CLCN7: variants seen among roughly 807,000 people sequenced by gnomAD.
The protein encoded by CLCN7 is H(+)/Cl(-) exchange transporter 7.
In CLCN7, 60 loss-of-function variants were observed where a neutral mutation model predicts 102.1. The observed-to-expected ratio is 0.59, with a 90% CI of 0.48 to 0.73. The LOEUF is 0.73. CLCN7 is among the 30% of genes least tolerant of loss of function. The pLI is 0.00. For missense variants in CLCN7, 962 were observed against 1,125.7 expected, an observed-to-expected ratio of 0.85 and a Z score of 2.08; for synonymous variants, 560 against 490.5, an observed-to-expected ratio of 1.14 and a Z score of -1.87.
chr16:1,446,632 C>T lies in CLCN7; in HGVS notation c.2417G>A (p.Ter806=). 6.4e-7 allele frequency: 1 copy of T among 1,563,082 alleles called. No individual in the cohort carries two copies. The highest frequency in any genetic ancestry group is 8.7e-7 in the Non-Finnish European group (1 of 1,153,716). The change falls in exon 25 of 25, where the codon TGA becomes TAA. Residue 806 remains the stop codon, a stop_retained_variant. Coordinates refer to ENST00000382745, the MANE Select transcript of CLCN7 (RefSeq NM_001287.6). ...GCCCATTATGGGCAGGGCTGGGCCT[C>T]ACGTCTGGGCCAGCGAGAGCTCCTC... is the stretch of plus-strand genomic sequence containing the variant. ...GLEELSLAQT[*] is the part of the protein sequence containing the mutation.
At chr16:1,452,522 G>A (rs749249009) in intron 15 of CLCN7, 3 of 568,870 alleles carry the variant, frequency 5.3e-6, no homozygotes, top group Non-Finnish European at 9.4e-6. Context: ...GAAGAGGACT[G>A]GGGGGAGCCT....
rs775416045 is a variant in CLCN7 at position 1,460,796 on chromosome 16, G to A, written c.484+20C>T. 9.9e-6 allele frequency: 16 copies of A among 1,613,722 alleles called. No homozygotes were observed. Among genetic ancestry groups the A allele is most frequent in the Middle Eastern group, 1.6e-4 (1 of 6,084 alleles). Reference sequence around the variant, plus strand: ...CCACGCCCCCCTCCCAAGCTGCAGCGGCCGCACTGGGAAGGATACTGCCCT... The same window carrying A: ...CCACGCCCCCCTCCCAAGCTGCAGCAGCCGCACTGGGAAGGATACTGCCCT... On this transcript the variant is annotated intron_variant, in intron 5 of 24. Transcript: ENST00000382745.
rs562556695 is a variant in CLCN7, at chr16:1,446,089, C to A, written c.*542G>T. ...GTGAAGCTGCTCTCCGGGGCGGTCG[C>A]AGCCTCCAAACCCTGGTGCTACGAG... On this transcript the variant is annotated 3_prime_UTR_variant, in exon 25 of 25. Transcript: ENST00000382745. 1.4e-5 allele frequency: 8 copies of A among 591,306 alleles called. No homozygotes were observed. In the African/African-American group the frequency reaches 1.5e-4, roughly 11 times the overall value. The allele number at this position is 591,306 out of a possible 1,614,324, so 36.6% of individuals were successfully genotyped here. A position where few individuals can be genotyped will look rare whatever the true frequency, so the allele number is the denominator to read the frequency against.
intron 12 of CLCN7, 115 bp from the exon 13 acceptor site, chr16:1,454,580 GC>G (rs957148842): frequency 1.0e-6 from 1 of 990,040 alleles, no homozygotes; most frequent in Admixed American, 1.8e-5. Context: ...GAGCCTTCCC[GC>G]CCTTCCACGC....
At chr16:1,454,607 A>G in intron 12 of CLCN7, 142 bp from the exon 13 acceptor site, 1 of 826,292 alleles carries the variant, frequency 1.2e-6, no homozygotes. Context: ...GCGGAAGTCC[A>G]CAGGGGAGAA....
intron 1 of CLCN7, among the ~76,000 whole-genome samples, chr16:1,468,412 C>T (rs2039033863): frequency 6.6e-6 from 1 of 152,262 alleles, no homozygotes; most frequent in African/African-American, 2.4e-5. Context: ...CTTTCCTTAA[C>T]TCTGCCAGGA....
intron 17 of CLCN7, 135 bp downstream of exon 17, chr16:1,450,362 G>A: frequency 1.1e-6 from 1 of 927,752 alleles, no homozygotes; most frequent in Non-Finnish European, 1.7e-6. Flanking sequence ...ACCACGCGAG[G>A]ACAACGCCCA....
rs2142368563 is a variant in CLCN7, at chr16:1,449,050, C to T, written c.1713G>A (p.Met571Ile). 1 of 1,612,864 alleles carries T rather than the reference C, an allele frequency of 6.2e-7. No homozygotes were observed. The highest frequency in any genetic ancestry group is 8.5e-7 in the Non-Finnish European group (1 of 1,180,008). The change falls in exon 19 of 25, where the codon ATG (methionine) becomes ATA (isoleucine). Residue 571 changes from methionine to isoleucine, a missense_variant. By Grantham distance (10) the Met-to-Ile change is conservative (BLOSUM62 1). This residue lies in a region of CLCN7 where 799 missense variants were observed against 988.0 expected (regional missense o/e 0.81). Transcript: ENST00000382745. The part of the protein sequence containing the change: ...RMTLSLTVIM[M>I]EATSNVTYGF... ...CGTAGGTCACGTTGCTGGTGGCCTC[C>T]ATCATGATGACGGTCAGGCTCAGTG...
intron 6 of CLCN7, among the ~76,000 whole-genome samples, chr16:1,459,997 G>T (rs4786417): frequency 1.4e-5 from 2 of 142,458 alleles, no homozygotes; most frequent in Non-Finnish European, 1.6e-5. Flanking sequence ...ACACGTCGGG[G>T]CCTCAGGGAA....
At chr16:1,449,636 C>T in intron 17 of CLCN7, 1 of 450,126 alleles carries the variant, frequency 2.2e-6, no homozygotes, top group South Asian at 2.2e-5. Context: ...GGAGTGAAAC[C>T]CCGGCACACA....
intron 12 of CLCN7, 148 bp from the exon 13 acceptor site, chr16:1,454,613 G>A: frequency 2.5e-6 from 2 of 807,296 alleles, no homozygotes; most frequent in East Asian, 2.6e-5. Context: ...GTCCACAGGG[G>A]AGAAACACAC....
At chr16:1,448,789 G>C in intron 19 of CLCN7, 23 bp from the exon 20 acceptor site, 1 of 1,608,234 alleles carries the variant, frequency 6.2e-7, no homozygotes, top group Non-Finnish European at 8.5e-7. Context: ...CGGGAACACA[G>C]GGCTTGAGGA....
intron 1 of CLCN7, among the ~76,000 whole-genome samples, chr16:1,471,142 G>C (rs2039072223): frequency 6.6e-6 from 1 of 152,130 alleles, no homozygotes; most frequent in African/African-American, 2.4e-5. Context: ...CCCACAGGCA[G>C]CTCTGAAGGG....
intron 6 of CLCN7, 176 bp from the exon 7 acceptor site, chr16:1,459,363 C>A (rs1421363672): frequency 1.6e-5 from 8 of 505,862 alleles, no homozygotes; most frequent in Non-Finnish European, 2.8e-5. Flanking sequence ...GCACACACGT[C>A]AGGGCCCCAG....
rs114603070 is a variant in CLCN7 at position 1,450,367 on chromosome 16, C to T, written c.1617+130G>A. The stretch of plus-strand genomic sequence containing the variant: ...CGGCCCGTGAACCACGCGAGGACAA[C>T]GCCCACGGCCCGTGAACCACGTGAG... On this transcript the variant is annotated intron_variant, in intron 17 of 24. Transcript: ENST00000382745. 3.2e-3 allele frequency: 3,146 copies of T among 968,400 alleles called. 61 individuals carry two copies. The African/African-American group carries it at 0.043, about 13-fold the overall frequency. The allele number at this position is 968,400 out of a possible 1,614,324, so 60.0% of individuals were successfully genotyped here. A position where few individuals can be genotyped will look rare whatever the true frequency, so the allele number is the denominator to read the frequency against.
intron 13 of CLCN7, among the ~76,000 whole-genome samples, chr16:1,454,122 G>A (rs1440807561): frequency 1.3e-5 from 2 of 152,256 alleles, no homozygotes; most frequent in African/African-American, 2.4e-5. Flanking sequence ...GTCCAGCAGA[G>A]CAATAAATAC....
Position 1,446,444 on chromosome 16 carries a change from G to C in CLCN7, c.*187C>G, listed in dbSNP as rs1391869133. ...GGAGGCGCCAAGGGGGGAGACCACTGCCCACAACAGGGTCAGTCCCGCGAG... is the reference window on the plus strand; with the variant it reads ...GGAGGCGCCAAGGGGGGAGACCACTCCCCACAACAGGGTCAGTCCCGCGAG... On this transcript the variant is annotated 3_prime_UTR_variant, in exon 25 of 25. Coordinates refer to ENST00000382745, the MANE Select transcript of CLCN7 (RefSeq NM_001287.6). 1.4e-6 allele frequency: 1 copy of C among 706,708 alleles called. No individual in the cohort carries two copies. 43.8% of individuals were successfully genotyped at this position (706,708 alleles called of 1,614,324 possible).
intron 2 of CLCN7, among the ~76,000 whole-genome samples, chr16:1,464,595 C>T (rs758954251): frequency 1.1e-4 from 17 of 152,230 alleles, no homozygotes; most frequent in Admixed American, 2.0e-4. Flanking sequence ...CCGAAGAGCA[C>T]CCGGACAGGT....
At chr16:1,453,732 G>T in intron 14 of CLCN7, 102 bp downstream of exon 14, 1 of 1,108,014 alleles carries the variant, frequency 9.0e-7, no homozygotes, top group Non-Finnish European at 1.4e-6. Context: ...CCTTTCTTTC[G>T]GCTGTGGCCT....
Sources: allele counts gnomAD v4.1 joint callset (sites outside exome capture counted in the v4.1 genomes callset), GRCh38; gene constraint gnomAD v4.1.1; regional missense constraint gnomAD v4.1.1; transcripts MANE v1.5; gene names NCBI Gene and HGNC (gene_info 2026-07-23, HGNC 2026-07-21).